The following TOP6BL variants were observed in gnomAD, a reference collection of about 807,000 sequenced individuals.
The protein encoded by TOP6BL is type 2 DNA topoisomerase 6 subunit B-like.
At chr11:66,816,912 G>A in the TOP6BL span, among the ~76,000 whole-genome samples, 1 of 152,068 alleles carries the variant, frequency 6.6e-6, no homozygotes, top group African/African-American at 2.4e-5. Flanking sequence ...TCAGCACTTT[G>A]GGAGGTTGAA....
chr11:66,744,816 AGGGGGC>A, the TOP6BL span: 1 of 946,526 alleles, frequency 1.1e-6, no homozygotes, highest in Non-Finnish European at 1.4e-6. Context: ...CGGGCTGAGG[AGGGGGC>A]GGCGGCGGCG....
the TOP6BL span, chr11:66,744,819 GGGC>G: frequency 5.0e-4 from 615 of 1,221,712 alleles, no homozygotes; most frequent in South Asian, 1.4e-3. Context: ...GCTGAGGAGG[GGGC>G]GGCGGCGGCG....
the TOP6BL span, among the ~76,000 whole-genome samples, chr11:66,799,022 C>G: frequency 3.3e-5 from 5 of 152,098 alleles, no homozygotes; most frequent in South Asian, 1.0e-3. Context: ...GCCTGGCCAA[C>G]ATGGCGAAAC....
At chr11:66,759,938 A>T in the TOP6BL span, among the ~76,000 whole-genome samples, 3 of 152,120 alleles carry the variant, frequency 2.0e-5, no homozygotes, top group African/African-American at 7.2e-5. Flanking sequence ...AGGCCATAAC[A>T]TTTATTTTAA....
At chr11:66,748,871 CAAA>C in the TOP6BL span, among the ~76,000 whole-genome samples, 217 of 56,198 alleles carry the variant, frequency 3.9e-3, 2 homozygotes, top group Middle Eastern at 0.12. Context: ...TTGGCAGTAG[CAAA>C]AAAAAAAAAA....
chr11:66,789,258 A>G, the TOP6BL span, among the ~76,000 whole-genome samples: 1 of 152,178 alleles, frequency 6.6e-6, no homozygotes, highest in African/African-American at 2.4e-5. Flanking sequence ...ATACATTTTT[A>G]TTAGTTTGGT....
the TOP6BL span, among the ~76,000 whole-genome samples, chr11:66,760,242 A>T: frequency 6.7e-6 from 1 of 150,226 alleles, no homozygotes; most frequent in Non-Finnish European, 1.5e-5. Flanking sequence ...CTAGGTCAGG[A>T]GTTCAAGACT....
the TOP6BL span, among the ~76,000 whole-genome samples, chr11:66,770,818 CG>C: frequency 6.6e-6 from 1 of 152,154 alleles, no homozygotes; most frequent in African/African-American, 2.4e-5. Flanking sequence ...CCTTACCCAT[CG>C]TTGGCCACTT....
the TOP6BL span, among the ~76,000 whole-genome samples, chr11:66,776,247 T>C: frequency 1.3e-5 from 2 of 152,002 alleles, no homozygotes; most frequent in African/African-American, 4.8e-5. Flanking sequence ...TTAGTAGAGA[T>C]GGGATTCTAC....
At chr11:66,753,123 C>T in the TOP6BL span, among the ~76,000 whole-genome samples, 5 of 151,396 alleles carry the variant, frequency 3.3e-5, no homozygotes, top group East Asian at 7.8e-4. Context: ...AGTGAGACTC[C>T]GTCTCCAAAA....
the TOP6BL span, among the ~76,000 whole-genome samples, chr11:66,810,361 T>G: frequency 1.3e-5 from 2 of 152,224 alleles, no homozygotes; most frequent in African/African-American, 4.8e-5. Context: ...TACAAAATAC[T>G]TTTGTCCTTT....
At chr11:66,835,646 TC>T in the TOP6BL span, among the ~76,000 whole-genome samples, 4 of 152,224 alleles carry the variant, frequency 2.6e-5, no homozygotes, top group African/African-American at 9.6e-5. Context: ...TCTGGACACT[TC>T]ATATAGATGG....
At chr11:66,821,957 C>G in the TOP6BL span, among the ~76,000 whole-genome samples, 1 of 152,174 alleles carries the variant, frequency 6.6e-6, no homozygotes, top group African/African-American at 2.4e-5. Context: ...CTGTAACCAG[C>G]TTGCTTAGTC....
chr11:66,830,686 A>G, the TOP6BL span, among the ~76,000 whole-genome samples: 2 of 152,330 alleles, frequency 1.3e-5, no homozygotes, highest in East Asian at 3.9e-4. Context: ...AATTATCACT[A>G]TCAGAAATCA....
chr11:66,764,644 G>A, the TOP6BL span, among the ~76,000 whole-genome samples: 3 of 145,942 alleles, frequency 2.1e-5, no homozygotes, highest in Admixed American at 7.0e-5. Flanking sequence ...CAGCTCGGGC[G>A]ACAATGCGAG....
At chr11:66,759,453 A>G in the TOP6BL span, among the ~76,000 whole-genome samples, 1 of 152,216 alleles carries the variant, frequency 6.6e-6, no homozygotes, top group South Asian at 2.1e-4. Flanking sequence ...ATTTGTTTCT[A>G]TCTACTTCAA....
At chr11:66,800,723 A>T in the TOP6BL span, 1 of 1,551,494 alleles carries the variant, frequency 6.4e-7, no homozygotes, top group Non-Finnish European at 8.8e-7. Context: ...ATGGCTTAAG[A>T]TGATGCTATG....
At chr11:66,792,087 G>A in the TOP6BL span, among the ~76,000 whole-genome samples, 5 of 152,142 alleles carry the variant, frequency 3.3e-5, no homozygotes, top group Non-Finnish European at 7.3e-5. Flanking sequence ...TGGGATTACA[G>A]GCGTGAGCCG....
At chr11:66,771,027 T>C in the TOP6BL span, among the ~76,000 whole-genome samples, 1 of 152,176 alleles carries the variant, frequency 6.6e-6, no homozygotes, top group African/African-American at 2.4e-5. Context: ...GGTTGTTCAG[T>C]ACTCTTATCT....
Sources: allele counts gnomAD v4.1 joint callset (sites outside exome capture counted in the v4.1 genomes callset), GRCh38; gene constraint gnomAD v4.1.1; transcripts MANE v1.5; gene names NCBI Gene and HGNC (gene_info 2026-07-23, HGNC 2026-07-21).